The following TUT4 variants were observed in gnomAD, a reference collection of about 807,000 sequenced individuals.
TUT4 encodes terminal uridylyl transferase 4.
In TUT4, 36 loss-of-function variants were observed where a neutral mutation model predicts 192.2. The ratio of observed to expected loss-of-function variants is 0.19; its 90% CI spans 0.14 to 0.25. TUT4 has a LOEUF of 0.25. Ranked by LOEUF, TUT4 falls within the 10% of genes least tolerant of loss-of-function variation. The pLI is 1.00. For missense variants in TUT4, 1,493 were observed against 1,957.2 expected, an observed-to-expected ratio of 0.76 and a Z score of 4.47; for synonymous variants, 618 against 666.0, an observed-to-expected ratio of 0.93 and a Z score of 1.11.
chr1:52,509,858 T>C (rs1028111981), intron 3 of TUT4, 146 bp from the exon 4 acceptor site: 27 of 663,528 alleles, frequency 4.1e-5, no homozygotes, highest in Non-Finnish European at 7.0e-5. Flanking sequence ...TCTAAAGTAA[T>C]AGTTTTTAAT....
chr1:52,485,467 A>T (rs1669550905), intron 9 of TUT4, among the ~76,000 whole-genome samples: 1 of 152,162 alleles, frequency 6.6e-6, no homozygotes, highest in Admixed American at 6.5e-5. Context: ...TTCTTATTGC[A>T]TTTCCTAAAA....
chr1:52,523,562 C>A (rs1436081819), intron 2 of TUT4, among the ~76,000 whole-genome samples: 2 of 152,048 alleles, frequency 1.3e-5, no homozygotes, highest in Non-Finnish European at 2.9e-5. Context: ...CCACTGCACT[C>A]CAGCCGGGGT....
At chr1:52,468,818 C>T (rs559456692) in intron 14 of TUT4, among the ~76,000 whole-genome samples, 27 of 152,220 alleles carry the variant, frequency 1.8e-4, no homozygotes, top group African/African-American at 6.0e-4. Context: ...TTTTGGTTTT[C>T]TAGTTATTTC....
At chr1:52,550,542 G>A (rs975595311) in intron 1 of TUT4, among the ~76,000 whole-genome samples, 1 of 132,152 alleles carries the variant, frequency 7.6e-6, no homozygotes, top group Non-Finnish European at 1.5e-5. Context: ...TTACTCTGTC[G>A]CCCAGGCTGG....
chr1:52,540,885 T>G (rs1019755068), intron 1 of TUT4, among the ~76,000 whole-genome samples: 1 of 152,114 alleles, frequency 6.6e-6, no homozygotes, highest in African/African-American at 2.4e-5. Flanking sequence ...TCGTTAAGAT[T>G]ATTAAAACTG....
At chr1:52,505,919 C>CT (rs1675423783) in intron 4 of TUT4, among the ~76,000 whole-genome samples, 1 of 151,908 alleles carries the variant, frequency 6.6e-6, no homozygotes, top group African/African-American at 2.4e-5. Flanking sequence ...TTACTGCAAC[C>CT]TCAACTTTCT....
chr1:52,526,960 G>T (rs1378952128), intron 1 of TUT4, among the ~76,000 whole-genome samples: 1 of 152,134 alleles, frequency 6.6e-6, no homozygotes, highest in Non-Finnish European at 1.5e-5. Context: ...GGAGGCAGAG[G>T]TTGCAGTGAG....
At chr1:52,468,045 CTTT>C (rs1191433254) in intron 15 of TUT4, 133 bp downstream of exon 15, 1 of 620,866 alleles carries the variant, frequency 1.6e-6, no homozygotes, top group African/African-American at 1.9e-5. Flanking sequence ...GGTTTCATCT[CTTT>C]TATTAGCACT....
At chr1:52,466,392 T>C (rs996550791) in intron 15 of TUT4, among the ~76,000 whole-genome samples, 12 of 151,754 alleles carry the variant, frequency 7.9e-5, no homozygotes, top group Non-Finnish European at 1.6e-4. Flanking sequence ...CCTGTAATCC[T>C]AGAATTCTGG....
intron 28 of TUT4, among the ~76,000 whole-genome samples, chr1:52,426,018 TG>T (rs1250893444): frequency 2.6e-5 from 4 of 152,004 alleles, no homozygotes; most frequent in Non-Finnish European, 5.9e-5. Flanking sequence ...GACAGGTAGG[TG>T]GGGATATACA....
At chr1:52,502,839 G>A (rs1481012294) in intron 4 of TUT4, among the ~76,000 whole-genome samples, 1 of 151,846 alleles carries the variant, frequency 6.6e-6, no homozygotes, top group African/African-American at 2.4e-5. Flanking sequence ...GCCCAGGCTG[G>A]TCTCAAACTC....
intron 20 of TUT4, among the ~76,000 whole-genome samples, chr1:52,446,957 A>G (rs892571057): frequency 6.6e-6 from 1 of 152,232 alleles, no homozygotes; most frequent in South Asian, 2.1e-4. Flanking sequence ...ATAATGAAGC[A>G]AAACTTAAAA....
rs750890506 is a variant in TUT4 at position 52,423,929 on chromosome 1, C to T, written c.*6G>A. ...GGTAGACCAGCTGAAAGAAAATGGA[C>T]TCGCATTACTCCGACACGTTTCCTC... is the stretch of plus-strand genomic sequence containing the variant. On this transcript the variant is annotated 3_prime_UTR_variant, in exon 30 of 30. Transcript: ENST00000257177. 1 of 1,612,670 alleles carries T rather than the reference C, an allele frequency of 6.2e-7. No homozygotes were observed. Among genetic ancestry groups the T allele is most frequent in the South Asian group, 1.1e-5 (1 of 90,762 alleles).
chr1:52,457,391 AC>A (rs1434495136), intron 20 of TUT4, among the ~76,000 whole-genome samples: 1 of 151,714 alleles, frequency 6.6e-6, no homozygotes, highest in East Asian at 1.9e-4. Flanking sequence ...ACGCACCACC[AC>A]GCCCGGCTAA....
intron 2 of TUT4, 121 bp from the exon 3 acceptor site, chr1:52,516,175 G>C (rs1441655415): frequency 9.6e-6 from 8 of 833,340 alleles, no homozygotes; most frequent in African/African-American, 3.5e-5. Flanking sequence ...TTTTCCTTAG[G>C]AAAGTATACA....
chr1:52,457,366 G>T (rs1661277075), intron 20 of TUT4, among the ~76,000 whole-genome samples: 1 of 151,868 alleles, frequency 6.6e-6, no homozygotes, highest in Non-Finnish European at 1.5e-5. Context: ...CTCCCGAGTA[G>T]CTGGGATTAC....
intron 9 of TUT4, among the ~76,000 whole-genome samples, chr1:52,484,077 A>C (rs1557808068): frequency 6.6e-6 from 1 of 152,164 alleles, no homozygotes; most frequent in Non-Finnish European, 1.5e-5. Context: ...TGCCAGGCAC[A>C]GTGGCACACA....
intron 14 of TUT4, chr1:52,468,547 A>G (rs1417763767): frequency 3.5e-6 from 1 of 286,010 alleles, no homozygotes; most frequent in Non-Finnish European, 6.5e-6. Flanking sequence ...CATTTTCCGT[A>G]TATCTACAAA....
chr1:52,424,743 A>G (rs1649242352), intron 29 of TUT4: 2 of 152,282 alleles, frequency 1.3e-5, no homozygotes, highest in South Asian at 4.1e-4. Context: ...TTCAAGTCCT[A>G]CGTTTACTAA....
Sources: gnomAD v4.1 joint callset for allele counts (sites outside exome capture counted in the v4.1 genomes callset) on GRCh38, gnomAD v4.1.1 for gene constraint, MANE v1.5 for transcripts, NCBI Gene and HGNC (gene_info 2026-07-23, HGNC 2026-07-21) for gene names.